The following TCOF1 variants were observed in gnomAD, a reference collection of about 807,000 sequenced individuals.
The protein encoded by TCOF1 is treacle protein.
TCOF1 carries 33 observed loss-of-function variants against 149.0 expected under a neutral mutation model. That is an observed-to-expected ratio of 0.22 (90% confidence interval 0.17 to 0.30). TCOF1 has a LOEUF of 0.30. Among genes scored for constraint, TCOF1 ranks in the 10% least tolerant of loss-of-function variants. The probability of loss-of-function intolerance (pLI) is 1.00; values close to 1 mark genes in which losing one functional copy is unlikely to be tolerated. For synonymous variants in TCOF1, 789 were observed against 738.8 expected (o/e 1.07, Z -1.10); for missense variants, 1,728 against 1,840.7 (o/e 0.94, Z 1.12).
intron 17 of TCOF1, among the ~76,000 whole-genome samples, chr5:150,385,831 G>A (rs1375357254): frequency 6.6e-6 from 1 of 152,138 alleles, no homozygotes; most frequent in Non-Finnish European, 1.5e-5. Flanking sequence ...ACAACCAAAT[G>A]TTCAGGCCAG....
chr5:150,377,185 GCA>G (rs1262337506), intron 14 of TCOF1, among the ~76,000 whole-genome samples: 1 of 152,228 alleles, frequency 6.6e-6, no homozygotes, highest in African/African-American at 2.4e-5. Context: ...GCCACAGGCG[GCA>G]CATTGTGGTG....
At position 150,379,590 on chromosome 5, in the gene TCOF1, C is replaced by A. The variant is rs751941031; in HGVS notation, c.2717C>A (p.Ser906Tyr). ...GCTGCCTTGGCTCCTGCCAAGGAGT[C>A]CCCCAGGAAAGGGGCTGCCCCAACA... The part of the protein sequence containing the change: ...IRAALAPAKE[S>Y]PRKGAAPTPP... Residue 906 changes from serine (S) to tyrosine (Y), a missense_variant, in exon 17 of 27, where the codon TCC becomes TAC. Coordinates refer to ENST00000643257, the MANE Select transcript of TCOF1 (RefSeq NM_001371623.1). 2 of 1,614,138 alleles carry A rather than the reference C, an allele frequency of 1.2e-6. No homozygotes were observed.
Position 150,390,008 on chromosome 5 carries a change from G to A in TCOF1, c.3168G>A (p.Glu1056=), listed in dbSNP as rs78239421. The change falls in exon 19 of 27, where the codon GAG becomes GAA. Residue 1056 remains glutamate (E), a synonymous_variant. Coordinates refer to ENST00000643257, the MANE Select transcript of TCOF1 (RefSeq NM_001371623.1). ...GGATATCAGATGGCAAGAAACAGGA[G>A]GGACCAGCCACTCAGGTACCTGGTG... is the stretch of plus-strand genomic sequence containing the variant. ...SSRISDGKKQ[E]GPATQVSKKN... 1.9e-4 allele frequency: 304 copies of A among 1,610,720 alleles called. No homozygotes were observed. The African/African-American group carries it at 3.5e-3, about 19-fold the overall frequency.
chr5:150,357,718 A>G lies in TCOF1; in HGVS notation c.-29A>G, dbSNP rs576699510. ...GGGCGGGGACTAAGGCGGGGCGTGC[A>G]GGTAGCCGGCCGGCCGGGGGTCGCG... On this transcript the variant is annotated 5_prime_UTR_variant, in exon 1 of 27. Transcript: ENST00000643257. 839 of 1,534,288 alleles carry G rather than the reference A, an allele frequency of 5.5e-4. 1 individual carries two copies. The highest frequency in any genetic ancestry group is 1.6e-3 in the South Asian group (130 of 83,690).
intron 19 of TCOF1, among the ~76,000 whole-genome samples, chr5:150,391,210 G>T (rs989211908): frequency 6.6e-6 from 1 of 152,174 alleles, no homozygotes; most frequent in Non-Finnish European, 1.5e-5. Flanking sequence ...AAGGGGTCAT[G>T]CCCAATTTCC....
At position 150,376,465 on chromosome 5, in the gene TCOF1, G is replaced by T; in HGVS notation, c.2185G>T (p.Val729Leu). Residue 729 changes from valine (V) to leucine (L), a missense_variant, in exon 14 of 27, where the codon GTG (valine) becomes TTG (leucine). By Grantham distance (32) the Val-to-Leu change is conservative. Coordinates refer to ENST00000643257, the MANE Select transcript of TCOF1 (RefSeq NM_001371623.1). Reference sequence around the variant, plus strand: ...AGGCCTCCAGGTGAAAGCAGCCTCAGTGCCTGTCAAGGGGTCCTTGGGGCA... The same window carrying T: ...AGGCCTCCAGGTGAAAGCAGCCTCATTGCCTGTCAAGGGGTCCTTGGGGCA... ...GKGLQVKAAS[V>L]PVKGSLGQGT... 1.2e-6 allele frequency: 2 copies of T among 1,614,198 alleles called. No individual in the cohort carries two copies. The highest frequency in any genetic ancestry group is 1.7e-6 in the Non-Finnish European group (2 of 1,180,022).
In TCOF1 at chr5:150,391,082, G is replaced by A. The variant is rs550400812; in HGVS notation, c.3184-462G>A. Among the ~76,000 whole-genome samples, 17 of 152,250 alleles carry A rather than the reference G, an allele frequency of 1.1e-4. No homozygotes were observed. The South Asian group carries it at 2.1e-3, about 19-fold the overall frequency. ...GGGAAACTGCAGGTACCAGGTCTTC[G>A]GGGGAAGCGCTTGGGAATGAGGGAA... On this transcript the variant is annotated intron_variant, in intron 19 of 26. Coordinates refer to ENST00000643257, the MANE Select transcript of TCOF1 (RefSeq NM_001371623.1).
chr5:150,369,468 G>A, intron 5 of TCOF1, 61 bp from the exon 6 acceptor site: 1 of 1,595,008 alleles, frequency 6.3e-7, no homozygotes. Flanking sequence ...GGGAGGTGCT[G>A]GGGAGGGGCA....
chr5:150,361,306 C>G, intron 2 of TCOF1, 95 bp downstream of exon 2: 2 of 1,435,244 alleles, frequency 1.4e-6, no homozygotes, highest in Non-Finnish European at 2.0e-6. Flanking sequence ...TAAGATCTGT[C>G]CCCATAGCCC....
chr5:150,375,312 C>A, intron 10 of TCOF1, 27 bp from the exon 11 acceptor site: 1 of 1,608,700 alleles, frequency 6.2e-7, no homozygotes, highest in Non-Finnish European at 8.5e-7. Context: ...GGACTCCCTC[C>A]CTAATCTTGT....
intron 5 of TCOF1, 133 bp from the exon 6 acceptor site, chr5:150,369,396 G>A: frequency 1.0e-6 from 1 of 966,870 alleles, no homozygotes; most frequent in Non-Finnish European, 1.6e-6. Flanking sequence ...ACAGCTCAGT[G>A]CATGTGAGGC....
Position 150,392,138 on chromosome 5 carries a change from G to A in TCOF1, c.3479G>A (p.Gly1160Asp). 6.2e-7 allele frequency: 1 copy of A among 1,614,244 alleles called. No homozygotes were observed. The highest frequency in any genetic ancestry group is 8.5e-7 in the Non-Finnish European group (1 of 1,180,046). ...AGTTCTTCAGGGAGTGAGGAAGATGGTGAAGGGCCCCAGGGGGCCAAGTCA... is the reference window on the plus strand; with the variant it reads ...AGTTCTTCAGGGAGTGAGGAAGATGATGAAGGGCCCCAGGGGGCCAAGTCA... Reference protein sequence around the residue: ...SDSSSGSEEDGEGPQGAKSAH... With the variant: ...SDSSSGSEEDDEGPQGAKSAH... The change falls in exon 21 of 27, where the codon GGT becomes GAT. Residue 1160 changes from glycine (G) to aspartate (D), a missense_variant. Physicochemically the swap from Gly to Asp is moderately conservative, Grantham distance 94. This residue lies in a region of TCOF1 where 1,696 missense variants were observed against 1,765.4 expected (regional missense o/e 0.96). Coordinates refer to ENST00000643257, the MANE Select transcript of TCOF1 (RefSeq NM_001371623.1).
chr5:150,398,283 A>C (rs1172959636), intron 24 of TCOF1, 71 bp from the exon 25 acceptor site: 1 of 1,605,594 alleles, frequency 6.2e-7, no homozygotes, highest in Admixed American at 1.7e-5. Context: ...TGCCCTGTGC[A>C]CCTCCCAACA....
At chr5:150,395,640 A>G (rs867670274) in intron 23 of TCOF1, among the ~76,000 whole-genome samples, 20 of 152,258 alleles carry the variant, frequency 1.3e-4, no homozygotes, top group South Asian at 2.1e-4. Context: ...TCTGGCAGGC[A>G]GTAAACCTGC....
rs1434625736 is a variant in TCOF1 at position 150,374,343 on chromosome 5, C to G, written c.1040C>G (p.Ser347Cys). 1 of 1,563,966 alleles carries G rather than the reference C, an allele frequency of 6.4e-7. No homozygotes were observed. Among genetic ancestry groups the G allele is most frequent in the Non-Finnish European group, 8.7e-7 (1 of 1,153,842 alleles). ...TCAGAGAGCAGCAGCGAGGAGTCAT[C>G]TGACAGTGAGGAGGAGACGCCAGCT... The part of the protein sequence containing the change: ...EDSESSSEES[S>C]DSEEETPAAK... Residue 347 changes from serine (S) to cysteine (C), a missense_variant, in exon 8 of 27, where the codon TCT becomes TGT. Around this residue, in one of 2 missense-constraint regions of TCOF1, gnomAD observed 1,696 missense variants for 1,765.4 expected, o/e 0.96. Transcript: ENST00000643257.
rs765654464 is a variant in TCOF1, at chr5:150,392,013, G to A, written c.3354G>A (p.Gln1118=). The A allele has an allele frequency of 1.2e-5, 19 of 1,614,108 alleles. No individual in the cohort carries two copies. Among genetic ancestry groups the A allele is most frequent in the Middle Eastern group, 3.3e-4 (2 of 6,084 alleles). The stretch of plus-strand genomic sequence containing the variant: ...CAAGTCCCCAGAGCACCTCCGTCCA[G>A]GCCAAAGGGACCAACAAGCTCAGAA... The part of the protein sequence containing the change: ...PATSPQSTSV[Q]AKGTNKLRKP... Residue 1118 remains glutamine, a synonymous_variant, in exon 21 of 27, where the codon CAG becomes CAA. Transcript: ENST00000643257.
chr5:150,368,851 G>C lies in TCOF1; in HGVS notation c.514G>C (p.Glu172Gln). Reference protein sequence around the residue: ...EPSANTTLVSETEEEGSVPAF... With the variant: ...EPSANTTLVSQTEEEGSVPAF... The stretch of plus-strand genomic sequence containing the variant: ...CTCAGCAAATACTACGTTGGTCTCA[G>C]AAACTGAGGAGGAGGGCAGCGTCCC... Residue 172 changes from glutamate to glutamine, a missense_variant, in exon 5 of 27, where the codon GAA becomes CAA. Glu to Gln is a conservative substitution (Grantham distance 29, BLOSUM62 2). This residue lies in a region of TCOF1 where 1,696 missense variants were observed against 1,765.4 expected (regional missense o/e 0.96). Coordinates refer to ENST00000643257, the MANE Select transcript of TCOF1 (RefSeq NM_001371623.1). The C allele has an allele frequency of 6.2e-7, 1 of 1,614,022 alleles. No homozygotes were observed. Among genetic ancestry groups the C allele is most frequent in the Non-Finnish European group, 8.5e-7 (1 of 1,180,050 alleles).
At position 150,393,513 on chromosome 5, in the gene TCOF1, A is replaced by G; in HGVS notation, c.3745A>G (p.Lys1249Glu). The G allele has an allele frequency of 6.2e-7, 1 of 1,614,182 alleles. No individual in the cohort carries two copies. The highest frequency in any genetic ancestry group is 8.5e-7 in the Non-Finnish European group (1 of 1,180,036). The change falls in exon 23 of 27, where the codon AAG (lysine) becomes GAG (glutamate). Residue 1249 changes from lysine to glutamate, a missense_variant. Lys to Glu is a moderately conservative substitution (Grantham distance 56). Transcript: ENST00000643257. ...KDDPDGKQEA[K>E]PQQAAGMLSP... ...TGACCCAGATGGCAAGCAGGAGGCA[A>G]AGCCCCAACAGGCAGCAGGCATGTT...
At chr5:150,383,202 G>C in intron 17 of TCOF1, 1 of 1,524,098 alleles carries the variant, frequency 6.6e-7, no homozygotes, top group Non-Finnish European at 8.8e-7. Context: ...TGCAGATGCT[G>C]CAGGATCAGA....
Sources: allele counts gnomAD v4.1 joint callset (sites outside exome capture counted in the v4.1 genomes callset), GRCh38; gene constraint gnomAD v4.1.1; regional missense constraint gnomAD v4.1.1; transcripts MANE v1.5; gene names NCBI Gene and HGNC (gene_info 2026-07-23, HGNC 2026-07-21).